Variants in P2RX4 observed in about 807,000 individuals in gnomAD.
P2RX4 encodes the protein P2X purinoceptor 4.
In P2RX4, 37 loss-of-function variants were observed where a neutral mutation model predicts 48.0. That is an observed-to-expected ratio of 0.77 (90% CI 0.59 to 1.01). The LOEUF is 1.01. P2RX4 is among the 50% of genes least tolerant of loss of function. The probability of loss-of-function intolerance (pLI) is 0.00; values close to 1 mark genes in which losing one functional copy is unlikely to be tolerated. For synonymous variants in P2RX4, 200 were observed against 199.7 expected, an observed-to-expected ratio of 1.00 and a Z score of -0.01; for missense variants, 501 against 521.4, an observed-to-expected ratio of 0.96 and a Z score of 0.38.
chr12:121,225,450 G>A (rs553437899), intron 5 of P2RX4, among the ~76,000 whole-genome samples: 3 of 151,444 alleles, frequency 2.0e-5, no homozygotes, highest in African/African-American at 7.3e-5. Context: ...TCGCTCTGTC[G>A]CCCAGGCTGG....
chr12:121,220,306 C>G (rs1043415485), intron 2 of P2RX4, among the ~76,000 whole-genome samples: 2 of 152,074 alleles, frequency 1.3e-5, no homozygotes, highest in African/African-American at 2.4e-5. Context: ...CAGACCCCCC[C>G]CTTTTTTTAA....
At position 121,233,644 on chromosome 12, in the gene P2RX4, T is replaced by C. The variant is rs1191751866; in HGVS notation, c.*95T>C. On this transcript the variant is annotated 3_prime_UTR_variant, in exon 12 of 12. Coordinates refer to ENST00000337233, the MANE Select transcript of P2RX4 (RefSeq NM_002560.3). Reference sequence around the variant, plus strand: ...CACCACATCACCCCAGAGAAATTTCTGGAATCTGATTGAGTCTCCACTCCA... The same window carrying C: ...CACCACATCACCCCAGAGAAATTTCCGGAATCTGATTGAGTCTCCACTCCA... 6.4e-7 allele frequency: 1 copy of C among 1,552,622 alleles called. No homozygotes were observed. The highest frequency in any genetic ancestry group is 1.4e-5 in the African/African-American group (1 of 73,218).
chr12:121,212,652 A>C (rs1458864433), intron 1 of P2RX4, among the ~76,000 whole-genome samples: 2 of 150,118 alleles, frequency 1.3e-5, no homozygotes, highest in South Asian at 4.2e-4. Flanking sequence ...AGCCAGGCCT[A>C]GTGGCTAATG....
rs770540924 is a variant in P2RX4, at chr12:121,232,896, C to T, written c.1045-101C>T. The T allele has an allele frequency of 1.6e-5, 15 of 945,076 alleles. No individual in the cohort carries two copies. The highest frequency in any genetic ancestry group is 4.8e-5 in the African/African-American group (3 of 62,176). The allele number at this position is 945,076 out of a possible 1,614,324, so 58.5% of individuals were successfully genotyped here. ...AAGAGATGGGAGTGCCTTTCCATTC[C>T]GGTAAAGATTCCAGGCTTCTCAGGA... On this transcript the variant is annotated intron_variant, in intron 10 of 11. Transcript: ENST00000337233. The surrounding 1 kb of genome is among the most constrained non-coding windows in gnomAD (Gnocchi z 4.3).
chr12:121,216,681 G>A lies in P2RX4; in HGVS notation c.135-453G>A, dbSNP rs962954826. The A allele has an allele frequency of 1.7e-4, 64 of 376,862 alleles. 1 individual carries two copies. Among genetic ancestry groups the A allele is most frequent in the East Asian group, 4.2e-4 (7 of 16,840 alleles). The allele number at this position is 376,862 out of a possible 1,614,324, so 23.3% of individuals were successfully genotyped here. ...ACTAAAAATACAAAATTAGCCAGGC[G>A]TGTTGGCGCATGCCTGTAATCCCAG... On this transcript the variant is annotated intron_variant, in intron 1 of 11. Coordinates refer to ENST00000337233, the MANE Select transcript of P2RX4 (RefSeq NM_002560.3).
intron 8 of P2RX4, among the ~76,000 whole-genome samples, chr12:121,230,892 G>A (rs984862795): frequency 2.6e-5 from 4 of 151,642 alleles, no homozygotes; most frequent in East Asian, 1.9e-4. Context: ...GCTCTCTCGC[G>A]TGCTCGCTCT....
intron 11 of P2RX4, 161 bp downstream of exon 11, chr12:121,233,253 TC>T: frequency 1.5e-6 from 1 of 648,090 alleles, no homozygotes; most frequent in Non-Finnish European, 2.7e-6. Flanking sequence ...CAGCAGCTGC[TC>T]CATCCCTAGG....
At chr12:121,230,778 G>A (rs1887291416) in intron 8 of P2RX4, among the ~76,000 whole-genome samples, 1 of 152,112 alleles carries the variant, frequency 6.6e-6, no homozygotes, top group Admixed American at 6.5e-5. Context: ...ATGGAGCTAG[G>A]GTGCGGGCCG....
At chr12:121,211,029 T>C (rs1443359590) in intron 1 of P2RX4, among the ~76,000 whole-genome samples, 1 of 152,166 alleles carries the variant, frequency 6.6e-6, no homozygotes, top group Non-Finnish European at 1.5e-5. Context: ...GGTCAGACTG[T>C]AGCGAGTGTT....
chr12:121,226,565 C>T (rs767382204), intron 5 of P2RX4, among the ~76,000 whole-genome samples: 6 of 151,968 alleles, frequency 3.9e-5, no homozygotes, highest in East Asian at 1.9e-4. Flanking sequence ...AAGACTAAAA[C>T]GTTTTGGAAC....
At chr12:121,223,166 C>T (rs979462191) in intron 5 of P2RX4, 123 bp downstream of exon 5, 19 of 669,140 alleles carry the variant, frequency 2.8e-5, no homozygotes, top group East Asian at 8.3e-5. Flanking sequence ...CTCCACCTCC[C>T]GTGTTCAAGT....
At chr12:121,223,639 C>G (rs948672748) in intron 5 of P2RX4, among the ~76,000 whole-genome samples, 1 of 152,158 alleles carries the variant, frequency 6.6e-6, no homozygotes, top group Non-Finnish European at 1.5e-5. Flanking sequence ...TTGCAAATAA[C>G]TGACAGGAAA....
chr12:121,210,145 TGGGAGCGGGC>T lies in P2RX4; in HGVS notation c.-17_-8del, dbSNP rs1253189035. 6.6e-7 allele frequency: 1 copy of T among 1,517,668 alleles called. No homozygotes were observed. Among genetic ancestry groups the T allele is most frequent in the African/African-American group, 1.4e-5 (1 of 69,530 alleles). 94.0% of individuals were successfully genotyped at this position (1,517,668 alleles called of 1,614,324 possible). A position where few individuals can be genotyped will look rare whatever the true frequency, so the allele number is the denominator to read the frequency against. ...CTGGGACCCAGACCGACTAGGGGAC[TGGGAGCGGGC>T]GGCGCGGCCATGGCGGGCTGCTGCG... On this transcript the variant is annotated 5_prime_UTR_variant, in exon 1 of 12. Transcript: ENST00000337233.
Position 121,228,594 on chromosome 12 carries a change from C to A in P2RX4, c.586C>A (p.Pro196Thr). The change falls in exon 6 of 12, where the codon CCC (proline) becomes ACC (threonine). Residue 196 changes from proline (P) to threonine (T), a missense_variant. Transcript: ENST00000337233. ...TTTGGTTAAGAACAACATCTGGTAT[C>A]CCAAATTTAATTTCAGCAAGTAAGT... ...TLLVKNNIWY[P>T]KFNFSKRNIL... 1 of 1,613,556 alleles carries A rather than the reference C, an allele frequency of 6.2e-7. No individual in the cohort carries two copies. Among genetic ancestry groups the A allele is most frequent in the Non-Finnish European group, 8.5e-7 (1 of 1,179,894 alleles).
intron 5 of P2RX4, among the ~76,000 whole-genome samples, chr12:121,224,194 C>T (rs1203250894): frequency 1.3e-5 from 2 of 152,204 alleles, no homozygotes; most frequent in African/African-American, 4.8e-5. Flanking sequence ...GTGACATAGG[C>T]AAGCATTGGG....
chr12:121,230,873 T>A (rs545570850), intron 8 of P2RX4, among the ~76,000 whole-genome samples: 1 of 152,214 alleles, frequency 6.6e-6, no homozygotes, highest in East Asian at 1.9e-4. Context: ...CCCCTGCTCA[T>A]GCGTGTGCGC....
Position 121,233,075 on chromosome 12 carries a change from G to T in P2RX4, c.1123G>T (p.Val375Leu). ...CTATCGGGAGAAGAAATATAAATAT[G>T]TGGAAGATTACGAGCAGGTAGGCCC... The part of the protein sequence containing the change: ...LYYREKKYKY[V>L]EDYEQGLASE... Residue 375 changes from valine (V) to leucine (L), a missense_variant, in exon 11 of 12, where the codon GTG (valine) becomes TTG (leucine). Physicochemically the swap from Val to Leu is conservative, Grantham distance 32. This residue lies in a region of P2RX4 where 197 missense variants were observed against 219.5 expected (regional missense o/e 0.90). Coordinates refer to ENST00000337233, the MANE Select transcript of P2RX4 (RefSeq NM_002560.3). The T allele has an allele frequency of 6.2e-7, 1 of 1,611,470 alleles. No homozygotes were observed. The highest frequency in any genetic ancestry group is 8.5e-7 in the Non-Finnish European group (1 of 1,177,770).
In P2RX4 at chr12:121,217,041, C is replaced by T. The variant is rs370844183; in HGVS notation, c.135-93C>T. The T allele has an allele frequency of 5.3e-4, 670 of 1,254,670 alleles. 3 individuals are homozygous for T. In the African/African-American group the frequency reaches 8.3e-3, roughly 15 times the overall value. The allele number at this position is 1,254,670 out of a possible 1,614,324, so 77.7% of individuals were successfully genotyped here. A position where few individuals can be genotyped will look rare whatever the true frequency, so the allele number is the denominator to read the frequency against. On this transcript the variant is annotated intron_variant, in intron 1 of 11. Transcript: ENST00000337233. ...AGAAAGTCATGTAATTAGTCAACAT[C>T]GTACTTCCAGCCACTGGCCAGCAGA...
intron 1 of P2RX4, among the ~76,000 whole-genome samples, chr12:121,211,356 C>T (rs768270701): frequency 6.6e-6 from 1 of 152,064 alleles, no homozygotes; most frequent in African/African-American, 2.4e-5. Flanking sequence ...GTGCCCGCCA[C>T]CACGCCCGGC....
Sources: allele counts gnomAD v4.1 joint callset (sites outside exome capture counted in the v4.1 genomes callset), GRCh38; gene constraint gnomAD v4.1.1; regional missense constraint gnomAD v4.1.1; non-coding constraint Gnocchi (gnomAD v3.1); transcripts MANE v1.5; gene names NCBI Gene and HGNC (gene_info 2026-07-23, HGNC 2026-07-21).